The following MLLT1 variants were observed in gnomAD, a reference collection of about 807,000 sequenced individuals.
MLLT1 encodes the protein MLLT1 super elongation complex subunit, also known as protein ENL.
Under a neutral mutation model 55.1 loss-of-function variants are expected in MLLT1, and 11 were observed. That is an observed-to-expected ratio of 0.20 (90% confidence interval 0.13 to 0.33). The LOEUF is 0.33. MLLT1 is among the 10% of genes least tolerant of loss of function. The probability of loss-of-function intolerance (pLI) is 1.00; values close to 1 mark genes in which losing one functional copy is unlikely to be tolerated. For missense variants in MLLT1, 536 were observed against 760.6 expected (o/e 0.70, Z 3.47); for synonymous variants, 323 against 320.1 (o/e 1.01, Z -0.10).
chr19:6,276,224 G>A (rs6510880), intron 1 of MLLT1, among the ~76,000 whole-genome samples: 31,243 of 152,146 alleles, frequency 0.21, 3,431 homozygotes, highest in Middle Eastern at 0.27. Context: ...TAGCTTCAGA[G>A]CTGGGAGCAG....
chr19:6,258,498 C>T (rs201354489), intron 3 of MLLT1, among the ~76,000 whole-genome samples: 34 of 152,304 alleles, frequency 2.2e-4, no homozygotes, highest in East Asian at 1.9e-3. Context: ...CTTCACAACA[C>T]ACATGTATTA....
rs1200707864 is a variant in MLLT1, at chr19:6,229,855, C to T, written c.420+715G>A. On this transcript the variant is annotated intron_variant, in intron 4 of 11. Coordinates refer to ENST00000252674, the MANE Select transcript of MLLT1 (RefSeq NM_005934.4). This position sits in a 1 kb window ranked among gnomAD's most constrained non-coding sequence, Gnocchi z 5.2. Reference sequence around the variant, plus strand: ...AACACACGTACATACACATGACACACCACACACCGCACACGACACACAACA... The same window carrying T: ...AACACACGTACATACACATGACACATCACACACCGCACACGACACACAACA... Among the ~76,000 whole-genome samples the T allele has an allele frequency of 2.6e-5, 4 of 151,948 alleles. No individual in the cohort carries two copies. The highest frequency in any genetic ancestry group is 4.4e-5 in the Non-Finnish European group (3 of 67,958).
rs1465694318 is a variant in MLLT1, at chr19:6,211,820, T to C, written c.*1222A>G. The C allele has an allele frequency of 5.6e-6, 6 of 1,063,906 alleles. No individual in the cohort carries two copies. The highest frequency in any genetic ancestry group is 1.6e-5 in the African/African-American group (1 of 60,982). 65.9% of individuals were successfully genotyped at this position (1,063,906 alleles called of 1,614,324 possible). On this transcript the variant is annotated 3_prime_UTR_variant, in exon 12 of 12. Coordinates refer to ENST00000252674, the MANE Select transcript of MLLT1 (RefSeq NM_005934.4). This position sits in a 1 kb window ranked among gnomAD's most constrained non-coding sequence, Gnocchi z 4.6. ...GAGTGGGCCGGGAAGGAGGACCGGC[T>C]TGGCCCCTGGAGAATCTCAGGCATA...
chr19:6,270,866 C>G lies in MLLT1; in HGVS notation c.13-107G>C. The G allele has an allele frequency of 9.4e-7, 1 of 1,060,476 alleles. No homozygotes were observed. The highest frequency in any genetic ancestry group is 1.6e-5 in the South Asian group (1 of 61,756). 65.7% of individuals were successfully genotyped at this position (1,060,476 alleles called of 1,614,324 possible). On this transcript the variant is annotated intron_variant, in intron 1 of 11. Transcript: ENST00000252674. This position sits in a 1 kb window ranked among gnomAD's most constrained non-coding sequence, Gnocchi z 7.1. Reference sequence around the variant, plus strand: ...GATAAAGACCCCCAGCAGTGCAATACGCTCTCAACCCAGTGAGCAGCACAC... The same window carrying G: ...GATAAAGACCCCCAGCAGTGCAATAGGCTCTCAACCCAGTGAGCAGCACAC...
intron 1 of MLLT1, among the ~76,000 whole-genome samples, chr19:6,275,539 A>G (rs1037160972): frequency 1.3e-5 from 2 of 152,210 alleles, no homozygotes; most frequent in East Asian, 3.9e-4. Context: ...AGATGGGGAA[A>G]GACAGGTGCC....
chr19:6,244,809 T>G (rs933520517), intron 3 of MLLT1, among the ~76,000 whole-genome samples: 3 of 152,034 alleles, frequency 2.0e-5, no homozygotes, highest in Non-Finnish European at 4.4e-5. Context: ...AGAGAATATA[T>G]GGGTTGCAAA....
At chr19:6,267,908 G>C (rs1343504914) in intron 2 of MLLT1, among the ~76,000 whole-genome samples, 2 of 152,142 alleles carry the variant, frequency 1.3e-5, no homozygotes, top group Non-Finnish European at 2.9e-5. Flanking sequence ...AGCTGACCAG[G>C]TGCAAGGGTC....
rs578044489 is a variant in MLLT1, at chr19:6,273,791, T to C, written c.13-3032A>G. 6.6e-6 allele frequency among the ~76,000 whole-genome samples: 1 copy of C among 152,300 alleles called. No homozygotes were observed. The highest frequency in any genetic ancestry group is 6.5e-5 in the Admixed American group (1 of 15,304). On this transcript the variant is annotated intron_variant, in intron 1 of 11. Coordinates refer to ENST00000252674, the MANE Select transcript of MLLT1 (RefSeq NM_005934.4). The surrounding 1 kb of genome is among the most constrained non-coding windows in gnomAD (Gnocchi z 4.3). ...ACTCCCACACAATGACAGTGTCTCC[T>C]CGGAATCGCTTATTCACTGACCCGG... is the stretch of plus-strand genomic sequence containing the variant.
intron 8 of MLLT1, among the ~76,000 whole-genome samples, chr19:6,214,407 C>G (rs1201856666): frequency 6.6e-6 from 1 of 152,194 alleles, no homozygotes; most frequent in Non-Finnish European, 1.5e-5. Flanking sequence ...CTGCCCTCTT[C>G]TCCCAGCACT....
chr19:6,275,353 T>C (rs1001152021), intron 1 of MLLT1, among the ~76,000 whole-genome samples: 6 of 152,188 alleles, frequency 3.9e-5, no homozygotes, highest in Admixed American at 2.6e-4. Flanking sequence ...GAGGTCCTCC[T>C]GGGCTGAACA....
intron 2 of MLLT1, among the ~76,000 whole-genome samples, chr19:6,269,587 C>A (rs988023510): frequency 6.6e-6 from 1 of 152,206 alleles, no homozygotes; most frequent in African/African-American, 2.4e-5. Flanking sequence ...CCATCACTTC[C>A]CCACTAGGCT....
chr19:6,248,141 G>A (rs1022524354), intron 3 of MLLT1, among the ~76,000 whole-genome samples: 13 of 152,082 alleles, frequency 8.5e-5, no homozygotes, highest in South Asian at 2.1e-4. Context: ...ACTCGCCTTC[G>A]CCTCCCAAAG....
rs368244519 is a variant in MLLT1, at chr19:6,256,084, G to T, written c.276+6144C>A. Among the ~76,000 whole-genome samples the T allele has an allele frequency of 1.2e-4, 19 of 152,238 alleles. No individual in the cohort carries two copies. The South Asian group carries it at 3.7e-3, about 30-fold the overall frequency. On this transcript the variant is annotated intron_variant, in intron 3 of 11. Coordinates refer to ENST00000252674, the MANE Select transcript of MLLT1 (RefSeq NM_005934.4). The surrounding 1 kb of genome is among the most constrained non-coding windows in gnomAD (Gnocchi z 4.1). ...TGCAAAAAATTAGCCAGACACGGTG[G>T]CAGGCACCTGTAATCCCAGCTATTC... is the stretch of plus-strand genomic sequence containing the variant.
chr19:6,218,770 CG>C (rs1469357524), intron 6 of MLLT1, among the ~76,000 whole-genome samples: 10 of 152,192 alleles, frequency 6.6e-5, no homozygotes, highest in Non-Finnish European at 1.3e-4. Context: ...CCTGGGTGGA[CG>C]GGAGGCAGGC....
At position 6,226,235 on chromosome 19, in the gene MLLT1, C is replaced by T. The variant is rs1191614799; in HGVS notation, c.546+742G>A. Among the ~76,000 whole-genome samples the T allele has an allele frequency of 1.3e-5, 2 of 152,180 alleles. No individual in the cohort carries two copies. Among genetic ancestry groups the T allele is most frequent in the East Asian group, 3.9e-4 (2 of 5,188 alleles). On this transcript the variant is annotated intron_variant, in intron 5 of 11. Coordinates refer to ENST00000252674, the MANE Select transcript of MLLT1 (RefSeq NM_005934.4). The surrounding 1 kb of genome is among the most constrained non-coding windows in gnomAD (Gnocchi z 6.3). ...GTGGGTGGCAGGCACCGGGCAGCTG[C>T]CCCGAGGGCCCGTGCCGCTCAGCCT...
In MLLT1 at chr19:6,218,142, G is replaced by A; in HGVS notation, c.1111-101C>T. The A allele has an allele frequency of 6.1e-6, 9 of 1,478,774 alleles. No individual in the cohort carries two copies. The South Asian group carries it at 1.2e-4, about 20-fold the overall frequency. 91.6% of individuals were successfully genotyped at this position (1,478,774 alleles called of 1,614,324 possible). On this transcript the variant is annotated intron_variant, in intron 6 of 11. Transcript: ENST00000252674. ...CCCTGGCAGCAGCTACGCTGAGTGG[G>A]TCTCCCCCAGACACCCCTAGGGTCC...
At chr19:6,237,629 C>T (rs1048822681) in intron 3 of MLLT1, among the ~76,000 whole-genome samples, 1 of 150,312 alleles carries the variant, frequency 6.7e-6, no homozygotes, top group Non-Finnish European at 1.5e-5. Context: ...ATTAGCTGGG[C>T]GTGGTGGCGG....
chr19:6,257,707 A>T (rs2091269501), intron 3 of MLLT1, among the ~76,000 whole-genome samples: 1 of 151,920 alleles, frequency 6.6e-6, no homozygotes, highest in African/African-American at 2.4e-5. Context: ...AGGCTGAGGG[A>T]GGAAAATCAC....
chr19:6,269,404 G>A lies in MLLT1; in HGVS notation c.193+1175C>T, dbSNP rs115562987. 3.7e-3 allele frequency among the ~76,000 whole-genome samples: 563 copies of A among 152,370 alleles called. 2 individuals carry two copies. The highest frequency in any genetic ancestry group is 0.013 in the African/African-American group (525 of 41,586). ...AGGAAGCGGTTTATAAACATCTGCCGCTGTCAGGAGCCTCCGCGGCCATCC... is the reference window on the plus strand; with the variant it reads ...AGGAAGCGGTTTATAAACATCTGCCACTGTCAGGAGCCTCCGCGGCCATCC... On this transcript the variant is annotated intron_variant, in intron 2 of 11. Transcript: ENST00000252674.
Sources: gnomAD v4.1 joint callset for allele counts (sites outside exome capture counted in the v4.1 genomes callset) on GRCh38, gnomAD v4.1.1 for gene constraint, Gnocchi (gnomAD v3.1) non-coding constraint, MANE v1.5 for transcripts, NCBI Gene and HGNC (gene_info 2026-07-23, HGNC 2026-07-21) for gene names.